EVC2: variants seen among roughly 807,000 people sequenced by gnomAD.
EVC2 encodes the protein limbin.
EVC2 carries 148 observed loss-of-function variants against 149.3 expected under a neutral mutation model. That is an observed-to-expected ratio of 0.99 (90% CI 0.87 to 1.14). EVC2 has a LOEUF of 1.14. EVC2 is among the 50% of genes most tolerant of loss of function. The pLI is 0.00. For synonymous variants in EVC2, 776 were observed against 649.9 expected, an observed-to-expected ratio of 1.19 and a Z score of -2.95; for missense variants, 1,854 against 1,627.3, an observed-to-expected ratio of 1.14 and a Z score of -2.40.
intron 16 of EVC2, among the ~76,000 whole-genome samples, chr4:5,589,306 G>A (rs955508245): frequency 6.6e-6 from 1 of 152,146 alleles, no homozygotes; most frequent in African/African-American, 2.4e-5. Context: ...TTCTAGTTTG[G>A]GTGGAAGGAA....
At chr4:5,563,380 T>C (rs999305327) in intron 21 of EVC2, among the ~76,000 whole-genome samples, 4 of 152,182 alleles carry the variant, frequency 2.6e-5, no homozygotes, top group Admixed American at 6.5e-5. Context: ...GGAGTTTCGC[T>C]CTTGTTGCCC....
Position 5,576,599 on chromosome 4 carries a change from A to ACTCAC in EVC2, c.3058-146_3058-145insGTGAG. The ACTCAC allele has an allele frequency of 6.2e-6, 9 of 1,441,334 alleles. No homozygotes were observed. Among genetic ancestry groups the ACTCAC allele is most frequent in the African/African-American group, 1.4e-5 (1 of 71,208 alleles). 89.3% of individuals were successfully genotyped at this position (1,441,334 alleles called of 1,614,324 possible). On this transcript the variant is annotated intron_variant, in intron 17 of 21. Transcript: ENST00000344408. This position sits in a 1 kb window ranked among gnomAD's most constrained non-coding sequence, Gnocchi z 4.5. ...CCCATCCAGCTGTGCCACATGGTGC[A>ACTCAC]ATGTGAGTGCACCACGATCTCTCAC...
intron 7 of EVC2, among the ~76,000 whole-genome samples, chr4:5,671,831 G>C (rs1201309520): frequency 6.6e-6 from 1 of 152,170 alleles, no homozygotes; most frequent in Non-Finnish European, 1.5e-5. Context: ...TTTAAGTGCA[G>C]AATTCTTACA....
At chr4:5,695,525 T>G (rs1721420363) in intron 2 of EVC2, among the ~76,000 whole-genome samples, 1 of 151,352 alleles carries the variant, frequency 6.6e-6, no homozygotes, top group Non-Finnish European at 1.5e-5. Context: ...GCTGATCAAC[T>G]GTGGGACCTT....
chr4:5,578,426 G>C (rs1003714658), intron 17 of EVC2, among the ~76,000 whole-genome samples: 2 of 152,106 alleles, frequency 1.3e-5, no homozygotes, highest in Non-Finnish European at 2.9e-5. Flanking sequence ...CACAAGATAG[G>C]AATTTTTCAT....
intron 16 of EVC2, among the ~76,000 whole-genome samples, chr4:5,615,199 G>C (rs2108828492): frequency 6.6e-6 from 1 of 152,308 alleles, no homozygotes; most frequent in African/African-American, 2.4e-5. Context: ...GAGATCCCCA[G>C]ACTGAGAAGT....
intron 12 of EVC2, 113 bp downstream of exon 12, chr4:5,628,446 A>G (rs2108846779): frequency 7.2e-7 from 1 of 1,388,424 alleles, no homozygotes; most frequent in Non-Finnish European, 9.9e-7. Flanking sequence ...CTCTAGAACT[A>G]TGAACCAAAT....
chr4:5,577,721 C>T (rs79954988), intron 17 of EVC2, among the ~76,000 whole-genome samples: 5 of 152,076 alleles, frequency 3.3e-5, no homozygotes, highest in African/African-American at 4.8e-5. Context: ...AACCTTCTAT[C>T]CCCCCCAAGC....
chr4:5,554,345 T>C (rs935428717), intron 21 of EVC2, among the ~76,000 whole-genome samples: 2 of 152,138 alleles, frequency 1.3e-5, no homozygotes, highest in African/African-American at 4.8e-5. Flanking sequence ...TTTTGATGAA[T>C]TGCTGAGGGC....
At chr4:5,619,845 T>A (rs1192123400) in intron 14 of EVC2, among the ~76,000 whole-genome samples, 1 of 152,176 alleles carries the variant, frequency 6.6e-6, no homozygotes, top group Admixed American at 6.5e-5. Flanking sequence ...TGGACAGAAT[T>A]ATTCGTTGAA....
rs374300969 is a variant in EVC2, at chr4:5,636,477, A to AT, written c.1470+4036dup. Among the ~76,000 whole-genome samples the AT allele has an allele frequency of 2.3e-4, 35 of 152,230 alleles. No homozygotes were observed. Among genetic ancestry groups the AT allele is most frequent in the African/African-American group, 8.2e-4 (34 of 41,536 alleles). On this transcript the variant is annotated intron_variant, in intron 10 of 21. Transcript: ENST00000344408. The surrounding 1 kb of genome is among the most constrained non-coding windows in gnomAD (Gnocchi z 4.6). ...TTCCCTAAACAACATTCCCTAAACT[A>AT]TTTTTTATGCATTTATACAAACTAT... is the stretch of plus-strand genomic sequence containing the variant.
chr4:5,594,770 C>G (rs973855757), intron 16 of EVC2, among the ~76,000 whole-genome samples: 4 of 152,118 alleles, frequency 2.6e-5, no homozygotes, highest in African/African-American at 9.7e-5. Flanking sequence ...TCAAACTACT[C>G]CAAGCTACGG....
chr4:5,540,709 G>A (rs927357107), downstream of EVC2, among the ~76,000 whole-genome samples: 1 of 152,186 alleles, frequency 6.6e-6, no homozygotes, highest in African/African-American at 2.4e-5. Flanking sequence ...AATTTTGGGG[G>A]AGGATGGAGA....
intron 16 of EVC2, among the ~76,000 whole-genome samples, chr4:5,595,684 C>T (rs1465582182): frequency 2.0e-5 from 3 of 152,144 alleles, no homozygotes; most frequent in Non-Finnish European, 4.4e-5. Flanking sequence ...AACCAGCTAA[C>T]ATCATCATGA....
intron 10 of EVC2, among the ~76,000 whole-genome samples, chr4:5,632,353 A>C (rs1167822486): frequency 6.6e-6 from 1 of 152,130 alleles, no homozygotes; most frequent in Non-Finnish European, 1.5e-5. Flanking sequence ...CAGCAAAAAC[A>C]AGGCACACAC....
chr4:5,529,035 T>G, the EVC2 span, among the ~76,000 whole-genome samples: 3 of 151,806 alleles, frequency 2.0e-5, no homozygotes, highest in South Asian at 6.2e-4. This position sits in a 1 kb window ranked among gnomAD's most constrained non-coding sequence, Gnocchi z 4.5. Flanking sequence ...TATATATAGC[T>G]TACCCCTCAT....
At chr4:5,594,551 C>T (rs190202409) in intron 16 of EVC2, among the ~76,000 whole-genome samples, 5 of 152,134 alleles carry the variant, frequency 3.3e-5, no homozygotes, top group Non-Finnish European at 5.9e-5. Flanking sequence ...AGAAAGGACA[C>T]CCACACCAAA....
chr4:5,588,954 C>T (rs1040619409), intron 16 of EVC2, among the ~76,000 whole-genome samples: 5 of 152,204 alleles, frequency 3.3e-5, no homozygotes, highest in African/African-American at 4.8e-5. Context: ...GCATAAATGC[C>T]ATTCTCTGTC....
At chr4:5,601,262 A>AGGTAAG (rs1267985125) in intron 16 of EVC2, among the ~76,000 whole-genome samples, 21 of 152,156 alleles carry the variant, frequency 1.4e-4, no homozygotes, top group African/African-American at 5.1e-4. Flanking sequence ...ATGAACATGG[A>AGGTAAG]GGTAAGAGTG....
Sources: gnomAD v4.1 joint callset for allele counts (sites outside exome capture counted in the v4.1 genomes callset) on GRCh38, gnomAD v4.1.1 for gene constraint, Gnocchi (gnomAD v3.1) non-coding constraint, MANE v1.5 for transcripts, NCBI Gene and HGNC (gene_info 2026-07-23, HGNC 2026-07-21) for gene names.